The following SUGCT variants were observed in gnomAD, a reference collection of about 807,000 sequenced individuals.
SUGCT encodes succinyl-CoA:glutarate-CoA transferase.
Under a neutral mutation model 55.0 loss-of-function variants are expected in SUGCT, and 41 were observed. The observed-to-expected ratio is 0.74, with a 90% CI of 0.58 to 0.97. The LOEUF (loss-of-function observed/expected upper bound fraction) is 0.97. Ranked by LOEUF, SUGCT falls within the 50% of genes least tolerant of loss-of-function variation. SUGCT has a pLI of 0.00. For synonymous variants in SUGCT, 187 were observed against 200.4 expected, an observed-to-expected ratio of 0.93 and a Z score of 0.56; for missense variants, 568 against 547.8, an observed-to-expected ratio of 1.04 and a Z score of -0.37.
At chr7:40,859,645 T>G (rs1584551037) in intron 13 of SUGCT, among the ~76,000 whole-genome samples, 1 of 152,228 alleles carries the variant, frequency 6.6e-6, no homozygotes, top group East Asian at 1.9e-4. Context: ...ATGATCTCAA[T>G]TAAATCCTTA....
At chr7:40,365,531 A>T (rs1428792969) in intron 9 of SUGCT, among the ~76,000 whole-genome samples, 2 of 152,192 alleles carry the variant, frequency 1.3e-5, no homozygotes, top group African/African-American at 2.4e-5. Flanking sequence ...CTCAGCCTAA[A>T]ATCTCCTTAA....
At chr7:40,196,098 A>G (rs958740911) in intron 6 of SUGCT, among the ~76,000 whole-genome samples, 2 of 152,196 alleles carry the variant, frequency 1.3e-5, no homozygotes, top group African/African-American at 4.8e-5. Context: ...ACTAAGCCAA[A>G]GGAAGGAAAA....
chr7:40,844,745 C>G (rs925835671), intron 13 of SUGCT, among the ~76,000 whole-genome samples: 3 of 152,228 alleles, frequency 2.0e-5, no homozygotes, highest in Non-Finnish European at 4.4e-5. Flanking sequence ...CCAGTACTTC[C>G]CTGCCTCCTG....
At chr7:40,599,120 T>C (rs1308785549) in intron 12 of SUGCT, among the ~76,000 whole-genome samples, 1 of 152,154 alleles carries the variant, frequency 6.6e-6, no homozygotes, top group Non-Finnish European at 1.5e-5. Flanking sequence ...AGGTCTGTTT[T>C]GTGGTCAGAT....
At chr7:40,980,448 A>G in the SUGCT span, among the ~76,000 whole-genome samples, 1 of 152,152 alleles carries the variant, frequency 6.6e-6, no homozygotes, top group Non-Finnish European at 1.5e-5. Context: ...CTGATTTGCA[A>G]TATTATCTCT....
the SUGCT span, among the ~76,000 whole-genome samples, chr7:40,899,853 C>T: frequency 6.6e-6 from 1 of 152,194 alleles, no homozygotes; most frequent in Non-Finnish European, 1.5e-5. Flanking sequence ...GCCACTCCTT[C>T]CCGAGCGTAT....
the SUGCT span, among the ~76,000 whole-genome samples, chr7:41,005,519 A>T: frequency 0.021 from 3,125 of 152,258 alleles, 104 homozygotes; most frequent in African/African-American, 0.071. Context: ...AGCTGTTCCA[A>T]AAGCTGGAAA....
chr7:40,430,239 C>A (rs1787823231), intron 9 of SUGCT, among the ~76,000 whole-genome samples: 1 of 152,130 alleles, frequency 6.6e-6, no homozygotes, highest in Non-Finnish European at 1.5e-5. Flanking sequence ...AAAGAAATGT[C>A]CATACTGCTT....
chr7:40,537,047 T>G (rs913087049), intron 12 of SUGCT, among the ~76,000 whole-genome samples: 1 of 152,220 alleles, frequency 6.6e-6, no homozygotes, highest in South Asian at 2.1e-4. Flanking sequence ...AAATTGTTGA[T>G]TCACACCATT....
intron 11 of SUGCT, among the ~76,000 whole-genome samples, chr7:40,469,415 A>G (rs1168927928): frequency 6.6e-6 from 1 of 152,222 alleles, no homozygotes; most frequent in Non-Finnish European, 1.5e-5. Flanking sequence ...CAGCTAATAG[A>G]TGGTCCCTTG....
the SUGCT span, among the ~76,000 whole-genome samples, chr7:40,970,987 G>A: frequency 0.05 from 7,549 of 152,278 alleles, 266 homozygotes; most frequent in Middle Eastern, 0.082. Context: ...TTAAAGGAGT[G>A]TGTGTTGGGT....
At chr7:40,857,941 C>T (rs898625176) in intron 13 of SUGCT, among the ~76,000 whole-genome samples, 24 of 152,022 alleles carry the variant, frequency 1.6e-4, no homozygotes, top group African/African-American at 2.4e-4. Flanking sequence ...AGTTGTTGAA[C>T]CCAACAGACG....
chr7:40,176,171 G>A lies in SUGCT; in HGVS notation c.101-4776G>A, dbSNP rs183175359. ...CACTTGAACCCGGGAGGTGGAGGTT[G>A]CAGTGAGCTGAGATCACTCCAGCCT... On this transcript the variant is annotated intron_variant, in intron 1 of 13. Coordinates refer to ENST00000335693, the MANE Select transcript of SUGCT (RefSeq NM_001193313.2). Among the ~76,000 whole-genome samples the A allele has an allele frequency of 3.9e-5, 6 of 152,020 alleles. No individual in the cohort carries two copies. The East Asian group carries it at 1.2e-3, about 29-fold the overall frequency.
At chr7:40,544,342 C>T (rs1284039021) in intron 12 of SUGCT, among the ~76,000 whole-genome samples, 1 of 152,090 alleles carries the variant, frequency 6.6e-6, no homozygotes, top group Non-Finnish European at 1.5e-5. Flanking sequence ...CACTGTGCCG[C>T]AAGTGGGTGT....
At chr7:40,954,997 A>G in the SUGCT span, among the ~76,000 whole-genome samples, 1 of 152,104 alleles carries the variant, frequency 6.6e-6, no homozygotes, top group African/African-American at 2.4e-5. Flanking sequence ...ATTGGTCCAT[A>G]TATCTGTTTT....
intron 8 of SUGCT, among the ~76,000 whole-genome samples, chr7:40,299,079 A>C (rs762821347): frequency 1.3e-4 from 20 of 152,322 alleles, no homozygotes; most frequent in Non-Finnish European, 2.4e-4. Flanking sequence ...TTTATTTTTT[A>C]AACTTTCAAA....
intron 1 of SUGCT, among the ~76,000 whole-genome samples, chr7:40,174,665 A>C (rs2150688362): frequency 6.6e-6 from 1 of 152,306 alleles, no homozygotes; most frequent in Admixed American, 6.5e-5. Context: ...TAAATGAATA[A>C]AGTTGATTAT....
At chr7:41,011,489 G>T in the SUGCT span, among the ~76,000 whole-genome samples, 2 of 152,114 alleles carry the variant, frequency 1.3e-5, no homozygotes, top group East Asian at 1.9e-4. Context: ...CCCCAACTGG[G>T]GTATCCCCCA....
chr7:40,340,794 C>CA (rs553733136), intron 9 of SUGCT, among the ~76,000 whole-genome samples: 31 of 152,234 alleles, frequency 2.0e-4, no homozygotes, highest in African/African-American at 7.2e-4. Flanking sequence ...ACTGGAGAAT[C>CA]AATGAGACTG....
Sources: allele counts gnomAD v4.1 joint callset (sites outside exome capture counted in the v4.1 genomes callset), GRCh38; gene constraint gnomAD v4.1.1; transcripts MANE v1.5; gene names NCBI Gene and HGNC (gene_info 2026-07-23, HGNC 2026-07-21).